IL1RAPL2: variants seen among roughly 807,000 people sequenced by gnomAD.
IL1RAPL2 encodes the protein interleukin 1 receptor accessory protein like 2, also known as X-linked interleukin-1 receptor accessory protein-like 2.
A neutral mutation model predicts 44.1 loss-of-function variants in IL1RAPL2; 3 were observed. That is an observed-to-expected ratio of 0.07 (90% CI 0.03 to 0.18). The LOEUF (loss-of-function observed/expected upper bound fraction) is 0.18, where lower values mean the gene tolerates loss of function less well. Among genes scored for constraint, IL1RAPL2 ranks in the 10% least tolerant of loss-of-function variants. IL1RAPL2 has a pLI of 1.00. For missense variants in IL1RAPL2, 391 were observed against 496.4 expected (o/e 0.79, Z 2.02); for synonymous variants, 181 against 178.8 (o/e 1.01, Z -0.10).
intron 1 of IL1RAPL2, among the ~76,000 whole-genome samples, chrX:104,627,608 T>G (rs1247431341): frequency 1.8e-5 from 2 of 111,595 alleles, no homozygotes; most frequent in Admixed American, 9.6e-5. Context: ...TTTTGGTAAT[T>G]CAACTTTAAG....
At chrX:105,205,812 T>G (rs1556151655) in intron 3 of IL1RAPL2, among the ~76,000 whole-genome samples, 1 of 108,455 alleles carries the variant, frequency 9.2e-6, no homozygotes, top group Non-Finnish European at 1.9e-5. Flanking sequence ...AACTGGAGAG[T>G]AACATGATCC....
intron 2 of IL1RAPL2, among the ~76,000 whole-genome samples, chrX:104,759,756 A>G (rs1932396199): frequency 8.9e-6 from 1 of 111,782 alleles, no homozygotes; most frequent in South Asian, 3.7e-4. Context: ...TACTCAACTC[A>G]TGGAAAATGG....
intron 6 of IL1RAPL2, among the ~76,000 whole-genome samples, chrX:105,680,840 G>A (rs2037918606): frequency 8.9e-6 from 1 of 111,805 alleles, no homozygotes; most frequent in Non-Finnish European, 1.9e-5. Flanking sequence ...GTTAACAAGA[G>A]ACAAGCATGA....
At chrX:104,742,349 G>A (rs753145488) in intron 2 of IL1RAPL2, among the ~76,000 whole-genome samples, 2 of 111,787 alleles carry the variant, frequency 1.8e-5, no homozygotes, top group East Asian at 5.6e-4. Flanking sequence ...GCAGCCTAAA[G>A]GAAAGAAAGG....
At chrX:105,384,791 T>G (rs901400809) in intron 5 of IL1RAPL2, among the ~76,000 whole-genome samples, 7 of 111,451 alleles carry the variant, frequency 6.3e-5, no homozygotes, top group African/African-American at 2.3e-4. Flanking sequence ...TTTTTATCAA[T>G]TTTTCATAGC....
At chrX:104,630,697 T>C (rs951394292) in intron 1 of IL1RAPL2, among the ~76,000 whole-genome samples, 3 of 111,655 alleles carry the variant, frequency 2.7e-5, no homozygotes, top group Admixed American at 1.9e-4. Flanking sequence ...AAAAATGACA[T>C]TGGTATTTTG....
At chrX:105,220,906 C>A (rs1242578215) in intron 3 of IL1RAPL2, among the ~76,000 whole-genome samples, 20 of 111,677 alleles carry the variant, frequency 1.8e-4, no homozygotes, top group Non-Finnish European at 3.4e-4. Flanking sequence ...ATAATCAAGT[C>A]AAAAAAGTCC....
At chrX:105,388,356 ATTTTTTTTTT>A (rs772573698) in intron 5 of IL1RAPL2, among the ~76,000 whole-genome samples, 4 of 61,269 alleles carry the variant, frequency 6.5e-5, no homozygotes, top group African/African-American at 2.1e-4. Flanking sequence ...ACCAAAGCAG[ATTTTTTTTTT>A]TTTTTTTTTT....
At chrX:104,744,364 T>G (rs1932139688) in intron 2 of IL1RAPL2, among the ~76,000 whole-genome samples, 1 of 111,591 alleles carries the variant, frequency 9.0e-6, no homozygotes, top group African/African-American at 3.2e-5. Context: ...ATTTCATTTA[T>G]TTTTGCAAAT....
intron 4 of IL1RAPL2, among the ~76,000 whole-genome samples, chrX:105,243,547 GTATATATATATATATGTGTGTA>G (rs2034190526): frequency 1.5e-5 from 1 of 68,950 alleles, no homozygotes; most frequent in Non-Finnish European, 2.1e-5. Flanking sequence ...ATATATGTGT[GTATATATATATATATGTGTGTA>G]TATATATATA....
At chrX:104,632,856 G>T (rs1380498135) in intron 1 of IL1RAPL2, among the ~76,000 whole-genome samples, 3 of 110,174 alleles carry the variant, frequency 2.7e-5, no homozygotes, top group Admixed American at 2.0e-4. Context: ...TGATTGCCCT[G>T]GCCAGAACTT....
intron 2 of IL1RAPL2, among the ~76,000 whole-genome samples, chrX:104,725,203 A>G (rs1160482192): frequency 9.0e-6 from 1 of 111,384 alleles, no homozygotes; most frequent in Admixed American, 9.6e-5. Flanking sequence ...GTGCATGCAA[A>G]GGACATGAAC....
chrX:104,653,427 T>G (rs1401581260), intron 1 of IL1RAPL2, among the ~76,000 whole-genome samples: 1 of 111,516 alleles, frequency 9.0e-6, no homozygotes, highest in East Asian at 2.8e-4. Flanking sequence ...CTCCCGAGGG[T>G]TCTTTATCCT....
chrX:105,207,237 A>G (rs782803241), intron 3 of IL1RAPL2, among the ~76,000 whole-genome samples: 1 of 111,683 alleles, frequency 9.0e-6, no homozygotes, highest in Admixed American at 9.5e-5. Flanking sequence ...TACTAAAAAA[A>G]AAGCAAAAGT....
At chrX:104,793,467 A>G (rs755399274) in intron 2 of IL1RAPL2, among the ~76,000 whole-genome samples, 1 of 112,111 alleles carries the variant, frequency 8.9e-6, no homozygotes, top group Non-Finnish European at 1.9e-5. Context: ...TCATGTACCT[A>G]TTTGTAGTCT....
At chrX:104,650,081 A>C (rs1930124186) in intron 1 of IL1RAPL2, among the ~76,000 whole-genome samples, 1 of 111,480 alleles carries the variant, frequency 9.0e-6, no homozygotes, top group Non-Finnish European at 1.9e-5. Flanking sequence ...CATTCTTTAG[A>C]ATTCATTACG....
chrX:105,412,305 AGTAT>A (rs1222147456), intron 5 of IL1RAPL2, among the ~76,000 whole-genome samples: 2 of 31,113 alleles, frequency 6.4e-5, no homozygotes. Context: ...AGAAAAATGT[AGTAT>A]ATATATATAT....
intron 2 of IL1RAPL2, among the ~76,000 whole-genome samples, chrX:105,174,278 A>G (rs1457159196): frequency 9.0e-6 from 1 of 110,707 alleles, no homozygotes; most frequent in African/African-American, 3.3e-5. Flanking sequence ...ATGAAGACTC[A>G]CTCCATTCTC....
chrX:105,284,828 A>C (rs767555586), intron 5 of IL1RAPL2, among the ~76,000 whole-genome samples: 45 of 111,402 alleles, frequency 4.0e-4, no homozygotes, highest in African/African-American at 1.2e-3. Flanking sequence ...GCATTTCTCA[A>C]GTTTAATGAC....
Sources: allele counts gnomAD v4.1 joint callset (sites outside exome capture counted in the v4.1 genomes callset), GRCh38; gene constraint gnomAD v4.1.1; transcripts MANE v1.5; gene names NCBI Gene and HGNC (gene_info 2026-07-23, HGNC 2026-07-21).